Variants in PTPRO observed in about 807,000 individuals in gnomAD.
The protein encoded by PTPRO is receptor-type tyrosine-protein phosphatase O.
Under a neutral mutation model 145.2 loss-of-function variants are expected in PTPRO, and 62 were observed. That is an observed-to-expected ratio of 0.43 (90% CI 0.35 to 0.53). The LOEUF is 0.53. Ranked by LOEUF, PTPRO falls within the 20% of genes least tolerant of loss-of-function variation. The probability of loss-of-function intolerance (pLI) is 0.01; values close to 1 mark genes in which losing one functional copy is unlikely to be tolerated. For synonymous variants in PTPRO, 565 were observed against 514.7 expected (o/e 1.10, Z -1.32); for missense variants, 1,345 against 1,482.7 (o/e 0.91, Z 1.53).
chr12:15,432,596 T>C (rs1431855566), intron 1 of PTPRO, among the ~76,000 whole-genome samples: 1 of 152,228 alleles, frequency 6.6e-6, no homozygotes, highest in South Asian at 2.1e-4. Flanking sequence ...TCCACAATGA[T>C]TGAATTAATT....
Position 15,406,109 on chromosome 12 carries a change from A to G in PTPRO, c.76-77865A>G, listed in dbSNP as rs139747660. Among the ~76,000 whole-genome samples, 303 of 152,276 alleles carry G rather than the reference A, an allele frequency of 2.0e-3. 1 individual carries two copies. The highest frequency in any genetic ancestry group is 6.8e-3 in the Middle Eastern group (2 of 294). On this transcript the variant is annotated intron_variant, in intron 1 of 26. Coordinates refer to ENST00000281171, the MANE Select transcript of PTPRO (RefSeq NM_030667.3). Reference sequence around the variant, plus strand: ...ACCATCCCACAAGAAGTCAGTGACAATGTTGGGACCAGAATTCAGGAGTCA... The same window carrying G: ...ACCATCCCACAAGAAGTCAGTGACAGTGTTGGGACCAGAATTCAGGAGTCA...
chr12:15,505,568 C>T (rs1942304691), intron 6 of PTPRO, among the ~76,000 whole-genome samples: 1 of 152,052 alleles, frequency 6.6e-6, no homozygotes. Context: ...TGTTTTTTCT[C>T]TGTTGCTAAA....
intron 1 of PTPRO, among the ~76,000 whole-genome samples, chr12:15,457,162 G>A (rs1941198765): frequency 6.6e-6 from 1 of 152,154 alleles, no homozygotes; most frequent in African/African-American, 2.4e-5. Context: ...TTGCATCAGT[G>A]CTTTGCTCGG....
chr12:15,588,945 A>G (rs920488152), intron 24 of PTPRO, among the ~76,000 whole-genome samples: 2 of 152,232 alleles, frequency 1.3e-5, no homozygotes, highest in Non-Finnish European at 2.9e-5. Flanking sequence ...ATGTGACATT[A>G]GAAGGAACAC....
At chr12:15,511,699 G>A (rs940705956) in intron 7 of PTPRO, among the ~76,000 whole-genome samples, 4 of 152,100 alleles carry the variant, frequency 2.6e-5, no homozygotes, top group African/African-American at 9.7e-5. Flanking sequence ...CCAATTAGCT[G>A]GGACTACAGG....
Position 15,516,745 on chromosome 12 carries a change from C to A in PTPRO, c.1586-18C>A. 6.3e-7 allele frequency: 1 copy of A among 1,580,402 alleles called. No homozygotes were observed. The highest frequency in any genetic ancestry group is 1.1e-5 in the South Asian group (1 of 90,438). On this transcript the variant is annotated intron_variant, in intron 8 of 26. Coordinates refer to ENST00000281171, the MANE Select transcript of PTPRO (RefSeq NM_030667.3). ...CTTCTTAACTTTCTTTTTCTACCCC[C>A]TGCCCTCTTCTTTCTAGTTCCCACA...
At chr12:15,415,916 G>C (rs1339860168) in intron 1 of PTPRO, among the ~76,000 whole-genome samples, 1 of 151,420 alleles carries the variant, frequency 6.6e-6, no homozygotes, top group Non-Finnish European at 1.5e-5. Context: ...ACAATCGCAA[G>C]GATAAACCTT....
intron 1 of PTPRO, among the ~76,000 whole-genome samples, chr12:15,382,004 A>G (rs959283730): frequency 2.0e-5 from 3 of 151,940 alleles, no homozygotes; most frequent in Non-Finnish European, 4.4e-5. Flanking sequence ...ACATCTAACA[A>G]TATTTCTTAT....
intron 1 of PTPRO, among the ~76,000 whole-genome samples, chr12:15,416,917 A>G (rs753335593): frequency 1.3e-5 from 2 of 151,514 alleles, no homozygotes; most frequent in Non-Finnish European, 2.9e-5. Flanking sequence ...CTGTATGGGG[A>G]GAAGTGGAAA....
chr12:15,365,861 G>C (rs1938344774), intron 1 of PTPRO, among the ~76,000 whole-genome samples: 1 of 151,984 alleles, frequency 6.6e-6, no homozygotes, highest in African/African-American at 2.4e-5. Context: ...GCTGTTATTG[G>C]GTAGGCAATA....
chr12:15,428,809 G>A (rs1247924362), intron 1 of PTPRO, among the ~76,000 whole-genome samples: 2 of 152,178 alleles, frequency 1.3e-5, no homozygotes, highest in South Asian at 2.1e-4. Context: ...GGGTCATCCC[G>A]TGGTCTAAGA....
chr12:15,508,352 C>G (rs1388906285), intron 6 of PTPRO, among the ~76,000 whole-genome samples: 1 of 152,130 alleles, frequency 6.6e-6, no homozygotes, highest in African/African-American at 2.4e-5. Context: ...ACTTTTGTTT[C>G]TGCTGTTATT....
intron 12 of PTPRO, among the ~76,000 whole-genome samples, chr12:15,529,188 T>G (rs1942906566): frequency 6.6e-6 from 1 of 152,180 alleles, no homozygotes; most frequent in African/African-American, 2.4e-5. Flanking sequence ...TTAAAAATAA[T>G]AATAGCTACA....
At position 15,516,336 on chromosome 12, in the gene PTPRO, CAA is replaced by C. The variant is rs548537781; in HGVS notation, c.1586-415_1586-414del. On this transcript the variant is annotated intron_variant, in intron 8 of 26. Transcript: ENST00000281171. ...TTGGTAACATAGCAAGACCCTGTCTCAAAAAAAAAAAAAGAAAAGAAAGAAAA... is the reference window on the plus strand; with the variant it reads ...TTGGTAACATAGCAAGACCCTGTCTCAAAAAAAAAAAGAAAAGAAAGAAAA... Among the ~76,000 whole-genome samples the C allele has an allele frequency of 4.7e-3, 291 of 62,480 alleles. 3 individuals carry two copies. Among genetic ancestry groups the C allele is most frequent in the African/African-American group, 0.016 (272 of 16,814 alleles). 41.0% of individuals were successfully genotyped at this position (62,480 alleles called of 152,430 possible). A position where few individuals can be genotyped will look rare whatever the true frequency, so the allele number is the denominator to read the frequency against.
intron 19 of PTPRO, among the ~76,000 whole-genome samples, chr12:15,574,540 G>A (rs983224540): frequency 6.6e-6 from 1 of 152,184 alleles, no homozygotes; most frequent in South Asian, 2.1e-4. Flanking sequence ...TTCACAAGAG[G>A]TGACCTTTGA....
chr12:15,581,500 AC>A (rs1169930808), intron 22 of PTPRO, among the ~76,000 whole-genome samples, 178 bp from the exon 23 acceptor site: 3 of 151,468 alleles, frequency 2.0e-5, no homozygotes, highest in African/African-American at 7.3e-5. Flanking sequence ...GATAAGAATG[AC>A]CCAAGTCATG....
At position 15,499,483 on chromosome 12, in the gene PTPRO, G is replaced by A; in HGVS notation, c.550G>A (p.Gly184Arg). Residue 184 changes from glycine to arginine, a missense_variant, in exon 4 of 27, where the codon GGA (glycine) becomes AGA (arginine). Gly to Arg is a moderately radical substitution (Grantham distance 125). Transcript: ENST00000281171. The part of the protein sequence containing the change: ...GKTVFNHWLP[G>R]MCYSNITFQL... ...AACAGTATTTAATCACTGGCTGCCAGGAATGTGTTATAGTAATATCACCTT... is the reference window on the plus strand; with the variant it reads ...AACAGTATTTAATCACTGGCTGCCAAGAATGTGTTATAGTAATATCACCTT... The A allele has an allele frequency of 6.2e-7, 1 of 1,613,652 alleles. No homozygotes were observed. Among genetic ancestry groups the A allele is most frequent in the African/African-American group, 1.3e-5 (1 of 75,006 alleles).
intron 12 of PTPRO, among the ~76,000 whole-genome samples, chr12:15,544,430 G>T (rs1386361311): frequency 6.6e-6 from 1 of 150,710 alleles, no homozygotes; most frequent in Non-Finnish European, 1.5e-5. Context: ...TTTTGAACCC[G>T]GGAGGCAGAG....
intron 23 of PTPRO, 47 bp from the exon 24 acceptor site, chr12:15,586,850 C>A: frequency 6.2e-7 from 1 of 1,610,362 alleles, no homozygotes; most frequent in Non-Finnish European, 8.5e-7. Flanking sequence ...GTCATCCTAA[C>A]AGTGAACTGA....
Sources: allele counts gnomAD v4.1 joint callset (sites outside exome capture counted in the v4.1 genomes callset), GRCh38; gene constraint gnomAD v4.1.1; transcripts MANE v1.5; gene names NCBI Gene and HGNC (gene_info 2026-07-23, HGNC 2026-07-21).